The following SACS variants were observed in gnomAD, a reference collection of about 807,000 sequenced individuals.
The protein encoded by SACS is sacsin molecular chaperone.
In SACS, 197 loss-of-function variants were observed where a neutral mutation model predicts 348.0. The observed-to-expected ratio is 0.57, with a 90% CI of 0.50 to 0.64. The LOEUF (loss-of-function observed/expected upper bound fraction) is 0.64. SACS is among the 30% of genes least tolerant of loss of function. The pLI is 0.00. For missense variants in SACS, 4,999 were observed against 5,360.8 expected (o/e 0.93, Z 2.11); for synonymous variants, 1,985 against 1,910.6 (o/e 1.04, Z -1.02).
intron 2 of SACS, among the ~76,000 whole-genome samples, chr13:23,382,644 A>G (rs929776768): frequency 6.6e-6 from 1 of 152,204 alleles, no homozygotes; most frequent in East Asian, 1.9e-4. Context: ...ATCTAAACAA[A>G]TCATGATTGT....
intron 5 of SACS, among the ~76,000 whole-genome samples, chr13:23,366,887 G>A (rs1464511493): frequency 6.6e-6 from 1 of 152,142 alleles, no homozygotes; most frequent in African/African-American, 2.4e-5. Context: ...AGAAGGTGGT[G>A]GTGTAGGTCT....
intron 1 of SACS, among the ~76,000 whole-genome samples, chr13:23,421,124 T>C (rs143778362): frequency 6.6e-6 from 1 of 151,980 alleles, no homozygotes; most frequent in South Asian, 2.1e-4. Flanking sequence ...TGGGGCCTTG[T>C]GTCCGCCTGG....
At position 23,355,207 on chromosome 13, in the gene SACS, C is replaced by T; in HGVS notation, c.1405G>A (p.Gly469Ser). Residue 469 changes from glycine (G) to serine (S), a missense_variant, in exon 8 of 10, where the codon GGC becomes AGC. Gly to Ser is a moderately conservative substitution (Grantham distance 56, BLOSUM62 0). Coordinates refer to ENST00000382292, the MANE Select transcript of SACS (RefSeq NM_014363.6). ...ATGCTCCTGCGGTTATCAGTAAGGCCAAAGAACCCACTGATGTGAACTGGG... is the reference window on the plus strand; with the variant it reads ...ATGCTCCTGCGGTTATCAGTAAGGCTAAAGAACCCACTGATGTGAACTGGG... ...GLPVHISGFF[G>S]LTDNRRSIKW... 1.2e-6 allele frequency: 2 copies of T among 1,614,190 alleles called. No homozygotes were observed. Among genetic ancestry groups the T allele is most frequent in the Non-Finnish European group, 1.7e-6 (2 of 1,180,030 alleles).
rs1868832904 is a variant in SACS at position 23,338,130 on chromosome 13, C to T, written c.5746G>A (p.Val1916Ile). The change falls in exon 10 of 10, where the codon GTT becomes ATT. Residue 1916 changes from valine (V) to isoleucine (I), a missense_variant. Physicochemically the swap from Val to Ile is conservative, Grantham distance 29 (BLOSUM62 3). This residue lies in a region of SACS where 3,156 missense variants were observed against 3,380.1 expected (regional missense o/e 0.93). Coordinates refer to ENST00000382292, the MANE Select transcript of SACS (RefSeq NM_014363.6). ...GRWNTTFMRHVIVKAYLQVLS... is the reference protein window; with the variant it reads ...GRWNTTFMRHIIVKAYLQVLS... ...ACCTGTAAGTAAGCTTTCACAATAACATGTCTCATGAACGTGGTATTCCAT... is the reference window on the plus strand; with the variant it reads ...ACCTGTAAGTAAGCTTTCACAATAATATGTCTCATGAACGTGGTATTCCAT... 1 of 1,614,036 alleles carries T rather than the reference C, an allele frequency of 6.2e-7. No individual in the cohort carries two copies. The highest frequency in any genetic ancestry group is 1.7e-5 in the Admixed American group (1 of 60,016).
At chr13:23,432,466 CTG>C (rs1337437952) in intron 1 of SACS, among the ~76,000 whole-genome samples, 2 of 152,100 alleles carry the variant, frequency 1.3e-5, no homozygotes, top group Non-Finnish European at 2.9e-5. Flanking sequence ...GGAAAGGAAA[CTG>C]GGGATCGTTG....
rs149590479 is a variant in SACS, at chr13:23,340,173, A to G, written c.3703T>C (p.Tyr1235His). ...LKHFKIVVDW[Y>H]SSKTFSDEDY... ...TCATCACTAAAGGTTTTTGAAGAAT[A>G]CCAATCAACAACAATTTTAAAGTGT... Residue 1235 changes from tyrosine to histidine, a missense_variant, in exon 10 of 10, where the codon TAT (tyrosine) becomes CAT (histidine). This residue lies in a region of SACS where 3,156 missense variants were observed against 3,380.1 expected (regional missense o/e 0.93). Coordinates refer to ENST00000382292, the MANE Select transcript of SACS (RefSeq NM_014363.6). The G allele has an allele frequency of 3.1e-6, 5 of 1,613,064 alleles. No individual in the cohort carries two copies. In the African/African-American group the frequency reaches 4.0e-5, roughly 13 times the overall value.
At position 23,337,333 on chromosome 13, in the gene SACS, T is replaced by A. The variant is rs770415968; in HGVS notation, c.6543A>T (p.Ala2181=). Reference sequence around the variant, plus strand: ...TCAATAAGATACTACTTCTTAGGCATGCAGCAACATGATCACTTTTATTAA... The same window carrying A: ...TCAATAAGATACTACTTCTTAGGCAAGCAGCAACATGATCACTTTTATTAA... ...AEINKSDHVA[A]CLRSSILLSL... The change falls in exon 10 of 10, where the codon GCA becomes GCT. Residue 2181 remains alanine, a synonymous_variant. Coordinates refer to ENST00000382292, the MANE Select transcript of SACS (RefSeq NM_014363.6). 1 of 1,614,004 alleles carries A rather than the reference T, an allele frequency of 6.2e-7. No homozygotes were observed. The highest frequency in any genetic ancestry group is 1.1e-5 in the South Asian group (1 of 91,074).
Position 23,412,768 on chromosome 13 carries a change from T to C in SACS, c.-501-1028A>G, listed in dbSNP as rs1197867344. 2.6e-5 allele frequency among the ~76,000 whole-genome samples: 4 copies of C among 152,146 alleles called. No individual in the cohort carries two copies. The East Asian group carries it at 5.8e-4, about 22-fold the overall frequency. On this transcript the variant is annotated intron_variant, in intron 1 of 9. Transcript: ENST00000382292. The stretch of plus-strand genomic sequence containing the variant: ...ATAACTCATGTTTGAAAGCAAAATA[T>C]TTACCTTAGAAAAGGAAGGGTAAAT...
intron 3 of SACS, among the ~76,000 whole-genome samples, chr13:23,374,231 G>A (rs571454301): frequency 6.6e-6 from 1 of 152,354 alleles, no homozygotes; most frequent in South Asian, 2.1e-4. Context: ...ATAAATGTGT[G>A]TCAAGGAGGG....
At chr13:23,405,473 C>T (rs1873164556) in intron 2 of SACS, among the ~76,000 whole-genome samples, 1 of 152,126 alleles carries the variant, frequency 6.6e-6, no homozygotes, top group South Asian at 2.1e-4. Flanking sequence ...CTAGGCAATA[C>T]CATTCAGGAC....
At chr13:23,342,661 A>G (rs1020532877) in intron 9 of SACS, among the ~76,000 whole-genome samples, 5 of 152,182 alleles carry the variant, frequency 3.3e-5, no homozygotes, top group African/African-American at 1.2e-4. Flanking sequence ...GGGACACCCA[A>G]CCTGTATGAA....
At chr13:23,425,474 C>T (rs1320949074) in intron 1 of SACS, among the ~76,000 whole-genome samples, 1 of 152,120 alleles carries the variant, frequency 6.6e-6, no homozygotes, top group Admixed American at 6.5e-5. Context: ...CCAGTGTCCA[C>T]CTAGAGTCCA....
At chr13:23,398,653 T>C (rs926568481) in intron 2 of SACS, among the ~76,000 whole-genome samples, 11 of 152,132 alleles carry the variant, frequency 7.2e-5, no homozygotes, top group African/African-American at 2.4e-4. Flanking sequence ...TGGTTGAGCT[T>C]ATCAAATATT....
At chr13:23,403,317 G>A (rs1873065325) in intron 2 of SACS, among the ~76,000 whole-genome samples, 1 of 152,156 alleles carries the variant, frequency 6.6e-6, no homozygotes, top group Non-Finnish European at 1.5e-5. Flanking sequence ...CTGTTGTTCG[G>A]AATAGTTTCA....
intron 9 of SACS, chr13:23,346,892 T>A: frequency 1.5e-6 from 1 of 666,668 alleles, no homozygotes; most frequent in Non-Finnish European, 1.9e-6. Flanking sequence ...AGTTTTCACA[T>A]GATGGCTACA....
At chr13:23,420,705 G>C (rs546663935) in intron 1 of SACS, among the ~76,000 whole-genome samples, 29 of 151,826 alleles carry the variant, frequency 1.9e-4, no homozygotes, top group Non-Finnish European at 3.8e-4. Flanking sequence ...AGTGTTTCCC[G>C]GTGCCTGAGG....
chr13:23,379,344 A>C (rs932570000), intron 2 of SACS, among the ~76,000 whole-genome samples: 7 of 152,212 alleles, frequency 4.6e-5, no homozygotes, highest in Admixed American at 3.9e-4. Flanking sequence ...CCCGACAAAG[A>C]AGCCTGGTGC....
intron 9 of SACS, among the ~76,000 whole-genome samples, chr13:23,347,856 G>A (rs1869710069): frequency 6.6e-6 from 1 of 152,070 alleles, no homozygotes; most frequent in African/African-American, 2.4e-5. Flanking sequence ...GAAAAAGCAT[G>A]GAACTAAGGG....
intron 3 of SACS, among the ~76,000 whole-genome samples, chr13:23,372,630 G>A (rs894627975): frequency 3.3e-5 from 5 of 152,152 alleles, no homozygotes; most frequent in African/African-American, 9.7e-5. Context: ...CCACCTCTCC[G>A]CTTCCTAGTT....
Sources: allele counts gnomAD v4.1 joint callset (sites outside exome capture counted in the v4.1 genomes callset), GRCh38; gene constraint gnomAD v4.1.1; regional missense constraint gnomAD v4.1.1; transcripts MANE v1.5; gene names NCBI Gene and HGNC (gene_info 2026-07-23, HGNC 2026-07-21).